B3GALT1: variants seen among roughly 807,000 people sequenced by gnomAD.
B3GALT1 encodes the protein UDP-Gal:betaGlcNAc beta 1,3-galactosyltransferase, polypeptide 1.
A neutral mutation model predicts 23.2 loss-of-function variants in B3GALT1; 10 were observed. The ratio of observed to expected loss-of-function variants is 0.43; its 90% CI spans 0.27 to 0.73. B3GALT1 has a LOEUF of 0.73. Among genes scored for constraint, B3GALT1 ranks in the 30% least tolerant of loss-of-function variants. The pLI is 0.21. For missense variants in B3GALT1, 299 were observed against 405.4 expected (o/e 0.74, Z 2.25); for synonymous variants, 156 against 141.5 (o/e 1.10, Z -0.73).
chr2:167,782,251 A>G (rs1475562615), intron 3 of B3GALT1, among the ~76,000 whole-genome samples: 2 of 152,200 alleles, frequency 1.3e-5, no homozygotes, highest in African/African-American at 4.8e-5. Flanking sequence ...CAGGTGAATG[A>G]AAGTGGCCTG....
At chr2:167,512,566 ATGTATATATATATGTATATATATATGTG>A (rs1700027562) in intron 2 of B3GALT1, among the ~76,000 whole-genome samples, 12 of 92,016 alleles carry the variant, frequency 1.3e-4, no homozygotes, top group African/African-American at 2.8e-4. Flanking sequence ...GTATATATAT[ATGTATATATATATGTATATATATATGTG>A]TATATATATA....
chr2:167,782,604 T>A (rs1229316053), intron 3 of B3GALT1, among the ~76,000 whole-genome samples: 2 of 152,212 alleles, frequency 1.3e-5, no homozygotes, highest in South Asian at 2.1e-4. Context: ...GATTTGCTCA[T>A]CCAAGTGAAT....
chr2:167,501,936 A>G (rs2105348683), intron 2 of B3GALT1, among the ~76,000 whole-genome samples: 1 of 152,312 alleles, frequency 6.6e-6, no homozygotes, highest in Non-Finnish European at 1.5e-5. Context: ...CACTCTTTAA[A>G]GTGTTAATTC....
At chr2:167,560,477 G>T (rs1303586857) in intron 2 of B3GALT1, among the ~76,000 whole-genome samples, 2 of 151,988 alleles carry the variant, frequency 1.3e-5, no homozygotes, top group Non-Finnish European at 2.9e-5. Context: ...AATGTAAATG[G>T]ACTAAATGCT....
At chr2:167,331,710 C>A (rs1013761185) in intron 1 of B3GALT1, among the ~76,000 whole-genome samples, 6 of 152,074 alleles carry the variant, frequency 3.9e-5, no homozygotes, top group African/African-American at 1.2e-4. Context: ...GGCTGGGGCC[C>A]CCTGGTGGTA....
intron 2 of B3GALT1, among the ~76,000 whole-genome samples, chr2:167,562,256 A>G (rs1182918399): frequency 6.6e-6 from 1 of 152,144 alleles, no homozygotes; most frequent in African/African-American, 2.4e-5. Flanking sequence ...AAATTCAACA[A>G]CCCTTCATGC....
chr2:167,742,405 T>A (rs1015210955), intron 3 of B3GALT1, among the ~76,000 whole-genome samples: 3 of 152,114 alleles, frequency 2.0e-5, no homozygotes, highest in African/African-American at 7.2e-5. Context: ...AGATGAGAAA[T>A]ATTTGTGTAG....
chr2:167,818,590 G>A (rs965867749), intron 3 of B3GALT1, among the ~76,000 whole-genome samples, 82 bp from the exon 4 acceptor site: 4 of 152,060 alleles, frequency 2.6e-5, no homozygotes, highest in African/African-American at 9.7e-5. Context: ...TTTTTTTAAA[G>A]TGGCAGTTCT....
chr2:167,698,673 C>T, intron 3 of B3GALT1, among the ~76,000 whole-genome samples: 1 of 152,180 alleles, frequency 6.6e-6, no homozygotes, highest in East Asian at 1.9e-4. Flanking sequence ...AAGCACAAGA[C>T]TTTGACAAGT....
intron 3 of B3GALT1, among the ~76,000 whole-genome samples, chr2:167,678,315 A>G (rs1686464767): frequency 6.6e-6 from 1 of 152,148 alleles, no homozygotes; most frequent in African/African-American, 2.4e-5. Flanking sequence ...CCTCATAATA[A>G]TCCTATGAGA....
rs76334565 is a variant in B3GALT1 at position 167,382,251 on chromosome 2, G to T, written c.-511+88917G>T. ...TTGGTAGTCCAATCATAGTTTTGGC[G>T]TGAAAACTCTTCTCATTTCCATTTA... On this transcript the variant is annotated intron_variant, in intron 1 of 4. Coordinates refer to ENST00000392690, the MANE Select transcript of B3GALT1 (RefSeq NM_020981.4). 5.9e-5 allele frequency among the ~76,000 whole-genome samples: 9 copies of T among 152,196 alleles called. No homozygotes were observed. In the East Asian group the frequency reaches 1.7e-3, roughly 29 times the overall value.
intron 2 of B3GALT1, among the ~76,000 whole-genome samples, chr2:167,530,386 C>T (rs561863941): frequency 6.6e-6 from 1 of 152,214 alleles, no homozygotes; most frequent in African/African-American, 2.4e-5. Context: ...CCTATAACTC[C>T]CTTGCTCCTA....
At chr2:167,608,544 TATAAC>T (rs60141202) in intron 2 of B3GALT1, among the ~76,000 whole-genome samples, 5,828 of 152,230 alleles carry the variant, frequency 0.038, 393 homozygotes, top group African/African-American at 0.13. Context: ...TCAATGGTTA[TATAAC>T]ATATTTCTTT....
intron 2 of B3GALT1, among the ~76,000 whole-genome samples, chr2:167,554,861 T>C (rs1346900966): frequency 6.6e-6 from 1 of 152,190 alleles, no homozygotes; most frequent in African/African-American, 2.4e-5. Context: ...ATATTATTTA[T>C]TTAGATGTCT....
At chr2:167,349,382 ATT>A (rs1456944900) in intron 1 of B3GALT1, among the ~76,000 whole-genome samples, 1 of 152,082 alleles carries the variant, frequency 6.6e-6, no homozygotes, top group Non-Finnish European at 1.5e-5. Context: ...AGTAACCTTT[ATT>A]TTACTTCATA....
intron 1 of B3GALT1, among the ~76,000 whole-genome samples, chr2:167,407,955 G>A (rs554945357): frequency 1.3e-5 from 2 of 148,322 alleles, no homozygotes; most frequent in African/African-American, 4.9e-5. Flanking sequence ...TAAAGGTGAG[G>A]CAATACTTTA....
intron 2 of B3GALT1, among the ~76,000 whole-genome samples, chr2:167,600,425 G>A (rs540074191): frequency 6.6e-6 from 1 of 152,200 alleles, no homozygotes; most frequent in South Asian, 2.1e-4. Flanking sequence ...AAGATTCAGT[G>A]GTTTATAACC....
intron 1 of B3GALT1, among the ~76,000 whole-genome samples, chr2:167,367,736 T>C (rs556730567): frequency 6.6e-6 from 1 of 152,188 alleles, no homozygotes; most frequent in Non-Finnish European, 1.5e-5. Flanking sequence ...AGCAAGTCCT[T>C]GCCAAATAAA....
intron 3 of B3GALT1, among the ~76,000 whole-genome samples, chr2:167,690,159 G>A (rs908041983): frequency 6.6e-6 from 1 of 151,460 alleles, no homozygotes. Flanking sequence ...TATTACGAGA[G>A]AAAAATGACA....
Sources: allele counts gnomAD v4.1 joint callset (sites outside exome capture counted in the v4.1 genomes callset), GRCh38; gene constraint gnomAD v4.1.1; transcripts MANE v1.5; gene names NCBI Gene and HGNC (gene_info 2026-07-23, HGNC 2026-07-21).